Variants in SEC16B observed in about 807,000 individuals in gnomAD.
SEC16B encodes the protein protein transport protein Sec16B.
SEC16B carries 115 observed loss-of-function variants against 141.8 expected under a neutral mutation model. The ratio of observed to expected loss-of-function variants is 0.81; its 90% CI spans 0.70 to 0.95. SEC16B has a LOEUF of 0.95. SEC16B is among the 40% of genes least tolerant of loss of function. SEC16B has a pLI of 0.00. For missense variants in SEC16B, 1,291 were observed against 1,312.3 expected, an observed-to-expected ratio of 0.98 and a Z score of 0.25; for synonymous variants, 493 against 492.5, an observed-to-expected ratio of 1.00 and a Z score of -0.01.
rs759419318 is a variant in SEC16B, at chr1:177,933,582, T to C, written c.2626A>G (p.Lys876Glu). The change falls in exon 21 of 26, where the codon AAG (lysine) becomes GAG (glutamate). Residue 876 changes from lysine to glutamate, a missense_variant. Physicochemically the swap from Lys to Glu is moderately conservative, Grantham distance 56 (BLOSUM62 1). This residue lies in a region of SEC16B where 605 missense variants were observed against 614.1 expected (regional missense o/e 0.99). Coordinates refer to ENST00000308284, the MANE Select transcript of SEC16B (RefSeq NM_033127.4). ...SISESSASSA[K>E]EDEKESSDEA... is the part of the protein sequence containing the mutation. ...TCAGAGGACTCCTTCTCATCCTCCT[T>C]GGCTGAACTGGCGGAACTCTCAGAA... 1 of 1,613,980 alleles carries C rather than the reference T, an allele frequency of 6.2e-7. No individual in the cohort carries two copies. The highest frequency in any genetic ancestry group is 8.5e-7 in the Non-Finnish European group (1 of 1,179,854).
chr1:177,959,109 G>A (rs1407681788), intron 8 of SEC16B, 134 bp from the exon 9 acceptor site: 26 of 903,956 alleles, frequency 2.9e-5, no homozygotes, highest in Non-Finnish European at 4.4e-5. Context: ...CCAGGGCTAA[G>A]GTAATGAGTC....
chr1:177,948,130 T>TA (rs1359403009), intron 12 of SEC16B, among the ~76,000 whole-genome samples, 188 bp from the exon 13 acceptor site: 5 of 152,140 alleles, frequency 3.3e-5, no homozygotes, highest in Non-Finnish European at 7.3e-5. Flanking sequence ...AGGACACAGA[T>TA]AGACAGATAC....
intron 14 of SEC16B, chr1:177,946,097 ATGT>A (rs778739813): frequency 3.0e-5 from 17 of 565,498 alleles, no homozygotes; most frequent in Admixed American, 6.5e-5. Flanking sequence ...CACATGTAAA[ATGT>A]TGTTTTTTTA....
At chr1:177,961,833 T>A (rs1653089748) in intron 5 of SEC16B, 99 bp from the exon 6 acceptor site, 1 of 1,114,716 alleles carries the variant, frequency 9.0e-7, no homozygotes, top group Non-Finnish European at 1.3e-6. Context: ...TGAAAGTGGA[T>A]GTGTTGAAAG....
chr1:177,982,628 G>A (rs1159100332), intron 1 of SEC16B, among the ~76,000 whole-genome samples: 2 of 152,212 alleles, frequency 1.3e-5, no homozygotes, highest in Non-Finnish European at 2.9e-5. Context: ...CTGAACTGAT[G>A]GTGAGGAGTT....
At chr1:177,956,690 G>C (rs1374839508) in intron 10 of SEC16B, among the ~76,000 whole-genome samples, 1 of 152,076 alleles carries the variant, frequency 6.6e-6, no homozygotes, top group Non-Finnish European at 1.5e-5. Flanking sequence ...TTAAAGTACA[G>C]ACAGTCCCTG....
chr1:177,937,903 CA>C (rs1165310436), intron 18 of SEC16B, among the ~76,000 whole-genome samples: 1 of 152,026 alleles, frequency 6.6e-6, no homozygotes, highest in African/African-American at 2.4e-5. Context: ...CACAACTGAC[CA>C]GCATTAATGT....
chr1:177,967,339 T>A (rs900013715), intron 2 of SEC16B, among the ~76,000 whole-genome samples: 1 of 152,138 alleles, frequency 6.6e-6, no homozygotes, highest in African/African-American at 2.4e-5. Flanking sequence ...ATAGTCTACA[T>A]AAATGAACTT....
At chr1:177,946,047 G>C (rs1417968017) in intron 14 of SEC16B, 5 of 463,856 alleles carry the variant, frequency 1.1e-5, no homozygotes, top group Non-Finnish European at 1.9e-5. Flanking sequence ...TAGGCTCTCA[G>C]AACAGGCCCA....
At chr1:177,940,846 A>C (rs1238825413) in intron 16 of SEC16B, 132 bp from the exon 17 acceptor site, 3 of 554,898 alleles carry the variant, frequency 5.4e-6, no homozygotes, top group Non-Finnish European at 9.4e-6. Context: ...CTAACTTGTA[A>C]ATTACATTAT....
intron 1 of SEC16B, among the ~76,000 whole-genome samples, chr1:177,977,573 C>A (rs960305417): frequency 1.3e-5 from 2 of 152,146 alleles, no homozygotes; most frequent in Non-Finnish European, 2.9e-5. Flanking sequence ...ATTTTAGAGT[C>A]CAGATGTTAC....
Position 177,937,968 on chromosome 1 carries a change from C to CAT in SEC16B, c.2204-456_2204-455insAT, listed in dbSNP as rs1251258639. On this transcript the variant is annotated intron_variant, in intron 18 of 25. Coordinates refer to ENST00000308284, the MANE Select transcript of SEC16B (RefSeq NM_033127.4). ...AAGACTCTTGGTGGCCATAAGATAC[C>CAT]AAACTATACACAGAACCTAAAGCCC... Among the ~76,000 whole-genome samples, 19 of 152,196 alleles carry CAT rather than the reference C, an allele frequency of 1.2e-4. No individual in the cohort carries two copies. In the South Asian group the frequency reaches 3.5e-3, roughly 28 times the overall value.
At chr1:177,953,092 A>G (rs1571331109) in intron 11 of SEC16B, among the ~76,000 whole-genome samples, 1 of 141,860 alleles carries the variant, frequency 7.0e-6, no homozygotes, top group Admixed American at 7.7e-5. Context: ...TGCAACCTCC[A>G]CCTCCCAGGT....
intron 1 of SEC16B, among the ~76,000 whole-genome samples, chr1:177,982,000 G>C (rs1654438195): frequency 6.6e-6 from 1 of 152,156 alleles, no homozygotes; most frequent in Non-Finnish European, 1.5e-5. Context: ...GAAAATAATA[G>C]TTTAAGGTAA....
At chr1:177,950,369 G>A (rs1044833862) in intron 12 of SEC16B, among the ~76,000 whole-genome samples, 1 of 152,162 alleles carries the variant, frequency 6.6e-6, no homozygotes, top group Non-Finnish European at 1.5e-5. Context: ...AGGCTCACAT[G>A]GAAAACTGGG....
intron 20 of SEC16B, among the ~76,000 whole-genome samples, chr1:177,935,368 G>A (rs558814827): frequency 6.6e-5 from 10 of 152,134 alleles, no homozygotes; most frequent in African/African-American, 2.4e-4. Context: ...AATCAATTTC[G>A]TCATGCCAAT....
In SEC16B at chr1:177,951,862, C is replaced by T; in HGVS notation, c.1545+52G>A. 4 of 1,467,734 alleles carry T rather than the reference C, an allele frequency of 2.7e-6. No individual in the cohort carries two copies. In the South Asian group the frequency reaches 3.6e-5, roughly 13 times the overall value. The allele number at this position is 1,467,734 out of a possible 1,614,324, so 90.9% of individuals were successfully genotyped here. On this transcript the variant is annotated intron_variant, in intron 12 of 25. Transcript: ENST00000308284. ...GTGCACTCCTGAGCAGTCCCCGCCC[C>T]CTCAAGCCCTTGGGATGCCTGGGTG...
chr1:177,930,768 C>T (rs941953503), intron 24 of SEC16B, 125 bp from the exon 25 acceptor site: 3 of 638,914 alleles, frequency 4.7e-6, no homozygotes, highest in Non-Finnish European at 8.2e-6. Flanking sequence ...AGTTCCTTAT[C>T]GACTCTCCAA....
chr1:177,948,206 T>A (rs1376540365), intron 12 of SEC16B, among the ~76,000 whole-genome samples: 1 of 152,136 alleles, frequency 6.6e-6, no homozygotes, highest in African/African-American at 2.4e-5. Context: ...TAAAATGACA[T>A]TGCTCACTTA....
Sources: gnomAD v4.1 joint callset for allele counts (sites outside exome capture counted in the v4.1 genomes callset) on GRCh38, gnomAD v4.1.1 for gene constraint, gnomAD v4.1.1 regional missense constraint, MANE v1.5 for transcripts, NCBI Gene and HGNC (gene_info 2026-07-23, HGNC 2026-07-21) for gene names.